The following SOX6 variants were observed in gnomAD, a reference collection of about 807,000 sequenced individuals.
SOX6 encodes SRY-box transcription factor 6, also known as transcription factor SOX-6.
In SOX6, 11 loss-of-function variants were observed where a neutral mutation model predicts 97.8. The observed-to-expected ratio is 0.11, with a 90% confidence interval of 0.07 to 0.19. SOX6 has a LOEUF of 0.19. Ranked by LOEUF, SOX6 falls within the 10% of genes least tolerant of loss-of-function variation. SOX6 has a pLI of 1.00. For missense variants in SOX6, 810 were observed against 1,039.5 expected (o/e 0.78, Z 3.04); for synonymous variants, 360 against 371.4 (o/e 0.97, Z 0.35).
intron 3 of SOX6, among the ~76,000 whole-genome samples, chr11:16,667,762 A>G (rs1314795774): frequency 6.6e-6 from 1 of 152,242 alleles, no homozygotes; most frequent in Non-Finnish European, 1.5e-5. Flanking sequence ...CACTGGTAAT[A>G]GTATGTACAT....
rs1158454268 is a variant in SOX6 at position 16,237,149 on chromosome 11, AC to A, written c.446-2479del. ...ACTAGGAGATTCCAGGAAGACTCGA[AC>A]CTGTAAGAAAGTCTCTTGACAAATG... On this transcript the variant is annotated intron_variant, in intron 3 of 15. Coordinates refer to ENST00000683767, the MANE Select transcript of SOX6 (RefSeq NM_001367873.1). 3.9e-5 allele frequency among the ~76,000 whole-genome samples: 6 copies of A among 152,052 alleles called. No individual in the cohort carries two copies. In the South Asian group the frequency reaches 6.2e-4, roughly 16 times the overall value.
At chr11:16,598,709 G>A (rs1279242352) in intron 4 of SOX6, among the ~76,000 whole-genome samples, 1 of 151,706 alleles carries the variant, frequency 6.6e-6, no homozygotes, top group Non-Finnish European at 1.5e-5. Flanking sequence ...TGTGGCCTTG[G>A]AAAGTGAAGC....
intron 3 of SOX6, among the ~76,000 whole-genome samples, chr11:16,636,869 G>A (rs1220817371): frequency 6.6e-6 from 1 of 152,124 alleles, no homozygotes; most frequent in Non-Finnish European, 1.5e-5. Flanking sequence ...TTCCCCTTCT[G>A]CCATGAGTGT....
intron 3 of SOX6, among the ~76,000 whole-genome samples, chr11:16,639,348 T>C (rs1848852477): frequency 6.6e-6 from 1 of 152,234 alleles, no homozygotes; most frequent in South Asian, 2.1e-4. Flanking sequence ...TCAGGTAGCA[T>C]GATGCCTCTA....
At chr11:16,471,092 T>C (rs1440012720) in intron 1 of SOX6, among the ~76,000 whole-genome samples, 1 of 148,014 alleles carries the variant, frequency 6.8e-6, no homozygotes, top group African/African-American at 2.5e-5. Flanking sequence ...TTTTTTTTTG[T>C]TTTTTTTTTA....
rs773076127 is a variant in SOX6, at chr11:15,982,148, T to C, written c.2183+4056A>G. Among the ~76,000 whole-genome samples the C allele has an allele frequency of 9.2e-5, 14 of 152,080 alleles. No homozygotes were observed. In the South Asian group the frequency reaches 1.7e-3, roughly 18 times the overall value. ...ACCACAATGCTATACCGCCTCTGTG[T>C]GTGTAATGTCGTGTCCTTACCAATG... On this transcript the variant is annotated intron_variant, in intron 15 of 15. Coordinates refer to ENST00000683767, the MANE Select transcript of SOX6 (RefSeq NM_001367873.1).
intron 3 of SOX6, among the ~76,000 whole-genome samples, chr11:16,690,885 C>G (rs892406784): frequency 6.6e-6 from 1 of 152,148 alleles, no homozygotes; most frequent in African/African-American, 2.4e-5. Flanking sequence ...TAAGGAAATA[C>G]TTTTTTAAAA....
chr11:16,345,121 T>A (rs1338209212), intron 1 of SOX6, among the ~76,000 whole-genome samples: 5 of 152,032 alleles, frequency 3.3e-5, no homozygotes, highest in African/African-American at 7.2e-5. Context: ...GTGTTTTTTT[T>A]AACTGTTTAT....
chr11:16,210,316 C>T (rs980851543), intron 4 of SOX6, among the ~76,000 whole-genome samples: 6 of 152,066 alleles, frequency 3.9e-5, no homozygotes, highest in Admixed American at 1.3e-4. Context: ...TAAAAAGGAA[C>T]GAGGTACTGA....
At chr11:16,641,302 A>G (rs545289623) in intron 3 of SOX6, among the ~76,000 whole-genome samples, 2 of 152,196 alleles carry the variant, frequency 1.3e-5, no homozygotes, top group East Asian at 3.9e-4. Context: ...GTTCTTTTGC[A>G]TTTGCCGAGG....
chr11:16,154,974 C>T (rs770849176), intron 6 of SOX6, among the ~76,000 whole-genome samples: 41 of 151,860 alleles, frequency 2.7e-4, no homozygotes, highest in Non-Finnish European at 5.3e-4. Flanking sequence ...TTAAGACTAT[C>T]GCTCCTTCTT....
At chr11:16,500,616 G>C (rs1457005452) in intron 4 of SOX6, among the ~76,000 whole-genome samples, 1 of 152,134 alleles carries the variant, frequency 6.6e-6, no homozygotes, top group Non-Finnish European at 1.5e-5. Context: ...CAAAGTCTCA[G>C]GATACAAAAT....
chr11:16,081,672 G>A (rs1450165851), intron 9 of SOX6, among the ~76,000 whole-genome samples: 1 of 152,054 alleles, frequency 6.6e-6, no homozygotes, highest in African/African-American at 2.4e-5. Flanking sequence ...ACTTCTTTCT[G>A]TCACTTCTTA....
chr11:16,001,845 T>A (rs1420482635), intron 13 of SOX6, among the ~76,000 whole-genome samples: 1 of 152,206 alleles, frequency 6.6e-6, no homozygotes, highest in Non-Finnish European at 1.5e-5. Flanking sequence ...AGACTTCTAT[T>A]TTTTTTCTAT....
At position 16,436,506 on chromosome 11, in the gene SOX6, T is replaced by A. The variant is rs543131671; in HGVS notation, c.-5+39809A>T. ...TCTATCTCTAGCCCAGAACTCTTTT[T>A]TGAGTTCCCTACTCATACTTACACA... On this transcript the variant is annotated intron_variant, in intron 1 of 15. Transcript: ENST00000396356. Among the ~76,000 whole-genome samples, 22 of 152,266 alleles carry A rather than the reference T, an allele frequency of 1.4e-4. No homozygotes were observed. The East Asian group carries it at 2.9e-3, about 20-fold the overall frequency.
At chr11:16,325,347 T>A (rs560872015) in intron 2 of SOX6, among the ~76,000 whole-genome samples, 5 of 152,282 alleles carry the variant, frequency 3.3e-5, no homozygotes, top group Admixed American at 2.0e-4. Flanking sequence ...ATACACAAAC[T>A]GGAAAGATAT....
At chr11:16,380,520 C>A (rs1441859200) in intron 1 of SOX6, among the ~76,000 whole-genome samples, 3 of 151,708 alleles carry the variant, frequency 2.0e-5, no homozygotes, top group African/African-American at 7.3e-5. Flanking sequence ...TTCTACCAAC[C>A]AATTGTTTAA....
At chr11:16,270,061 A>G (rs1259658333) in intron 3 of SOX6, 1 of 151,348 alleles carries the variant, frequency 6.6e-6, no homozygotes, top group African/African-American at 2.4e-5. Flanking sequence ...GAACTAGAGT[A>G]TTTTGTCCTG....
At chr11:16,020,352 T>A (rs1855016723) in intron 12 of SOX6, among the ~76,000 whole-genome samples, 1 of 152,106 alleles carries the variant, frequency 6.6e-6, no homozygotes, top group South Asian at 2.1e-4. Flanking sequence ...ATCTGCCTGA[T>A]CCTTGGCACT....
Sources: allele counts gnomAD v4.1 joint callset (sites outside exome capture counted in the v4.1 genomes callset), GRCh38; gene constraint gnomAD v4.1.1; transcripts MANE v1.5; gene names NCBI Gene and HGNC (gene_info 2026-07-23, HGNC 2026-07-21).